ANKHD1: variants seen among roughly 807,000 people sequenced by gnomAD.
ANKHD1 encodes ankyrin repeat and KH domain containing 1.
ANKHD1 carries 31 observed loss-of-function variants against 230.5 expected under a neutral mutation model. The ratio of observed to expected loss-of-function variants is 0.13; its 90% confidence interval spans 0.10 to 0.18. The LOEUF is 0.18. Ranked by LOEUF, ANKHD1 falls within the 10% of genes least tolerant of loss-of-function variation. ANKHD1 has a pLI of 1.00. For synonymous variants in ANKHD1, 1,074 were observed against 1,117.6 expected, an observed-to-expected ratio of 0.96 and a Z score of 0.78; for missense variants, 2,256 against 3,071.3, an observed-to-expected ratio of 0.73 and a Z score of 6.27.
chr5:140,424,509 T>G (rs1772249542), intron 1 of ANKHD1, among the ~76,000 whole-genome samples: 2 of 152,144 alleles, frequency 1.3e-5, no homozygotes, highest in African/African-American at 4.8e-5. Context: ...CTACAGCAAT[T>G]TGGTATGGCT....
rs142103880 is a variant in ANKHD1 at position 140,511,549 on chromosome 5, A to G, written c.4105-1279A>G. Reference sequence around the variant, plus strand: ...TTGAGTTTTGATTTTCCTTACCCCAATTTGTAATTATATCTTCAAACATGT... The same window carrying G: ...TTGAGTTTTGATTTTCCTTACCCCAGTTTGTAATTATATCTTCAAACATGT... On this transcript the variant is annotated intron_variant, in intron 22 of 33. Transcript: ENST00000360839. Among the ~76,000 whole-genome samples the G allele has an allele frequency of 2.2e-3, 339 of 152,226 alleles. 2 individuals are homozygous for G. Among genetic ancestry groups the G allele is most frequent in the African/African-American group, 7.6e-3 (317 of 41,498 alleles).
chr5:140,531,800 A>G (rs1251981654), intron 29 of ANKHD1, among the ~76,000 whole-genome samples: 1 of 152,242 alleles, frequency 6.6e-6, no homozygotes, highest in African/African-American at 2.4e-5. Flanking sequence ...CAATGTTCAT[A>G]GCAACATTAT....
At position 140,528,796 on chromosome 5, in the gene ANKHD1, T is replaced by C; in HGVS notation, c.5850T>C (p.Thr1950=). The change falls in exon 29 of 34, where the codon ACT becomes ACC. Residue 1950 remains threonine, a synonymous_variant. Coordinates refer to ENST00000360839, the MANE Select transcript of ANKHD1 (RefSeq NM_017747.3). ...VVAASQQLCV[T]NTRTPSSVRK... Reference sequence around the variant, plus strand: ...CTGCCAGTCAGCAACTGTGTGTCACTAATACCCGGACTCCTTCATCAGTCA... The same window carrying C: ...CTGCCAGTCAGCAACTGTGTGTCACCAATACCCGGACTCCTTCATCAGTCA... The C allele has an allele frequency of 2.5e-6, 4 of 1,614,148 alleles. No individual in the cohort carries two copies. The highest frequency in any genetic ancestry group is 3.4e-6 in the Non-Finnish European group (4 of 1,180,042).
intron 1 of ANKHD1, among the ~76,000 whole-genome samples, chr5:140,435,253 T>G (rs1014430549): frequency 6.6e-6 from 1 of 152,194 alleles, no homozygotes; most frequent in African/African-American, 2.4e-5. Flanking sequence ...ACTTTTCTCT[T>G]AATGACCTAT....
At chr5:140,428,112 T>C (rs1772689923) in intron 1 of ANKHD1, among the ~76,000 whole-genome samples, 3 of 144,456 alleles carry the variant, frequency 2.1e-5, no homozygotes, top group Non-Finnish European at 4.5e-5. Flanking sequence ...ACTTCCTAGA[T>C]GGGATGGCGG....
chr5:140,438,688 T>C, intron 3 of ANKHD1, 71 bp downstream of exon 3: 1 of 1,463,144 alleles, frequency 6.8e-7, no homozygotes, highest in South Asian at 1.5e-5. Flanking sequence ...CCAATTTTGG[T>C]TAAATATATC....
intron 14 of ANKHD1, among the ~76,000 whole-genome samples, chr5:140,495,456 A>G (rs1336508553): frequency 6.6e-6 from 1 of 152,046 alleles, no homozygotes; most frequent in Non-Finnish European, 1.5e-5. Context: ...CGTGTTAGCC[A>G]GGATGGTCTC....
intron 1 of ANKHD1, among the ~76,000 whole-genome samples, chr5:140,402,962 TTC>T (rs1770095093): frequency 1.4e-5 from 2 of 142,122 alleles, no homozygotes; most frequent in African/African-American, 5.2e-5. Flanking sequence ...TGGAAACCTC[TTC>T]TTTTTTTTTT....
At chr5:140,511,834 T>C (rs1347182163) in intron 22 of ANKHD1, among the ~76,000 whole-genome samples, 2 of 152,256 alleles carry the variant, frequency 1.3e-5, no homozygotes, top group African/African-American at 4.8e-5. Context: ...GTCACTTCCC[T>C]GCCCCAGAGG....
chr5:140,480,090 G>A (rs1005167085), intron 10 of ANKHD1, among the ~76,000 whole-genome samples: 2 of 151,814 alleles, frequency 1.3e-5, no homozygotes, highest in Non-Finnish European at 2.9e-5. Flanking sequence ...GATATTTTGG[G>A]GCAAATATTG....
intron 29 of ANKHD1, among the ~76,000 whole-genome samples, chr5:140,530,834 A>G (rs748622189): frequency 4.6e-5 from 7 of 152,256 alleles, no homozygotes; most frequent in Non-Finnish European, 8.8e-5. Flanking sequence ...ATTCCATGCT[A>G]CTTTGTTGCT....
At chr5:140,523,100 TCTTTTTC>T (rs1753430181) in intron 24 of ANKHD1, among the ~76,000 whole-genome samples, 1 of 150,422 alleles carries the variant, frequency 6.6e-6, no homozygotes, top group African/African-American at 2.4e-5. Context: ...TTAATTTTTT[TCTTTTTC>T]CTTTTTTTTT....
intron 9 of ANKHD1, among the ~76,000 whole-genome samples, chr5:140,464,196 A>G (rs1171736148): frequency 6.7e-6 from 1 of 150,342 alleles, no homozygotes; most frequent in Non-Finnish European, 1.5e-5. Context: ...ATGCCACTGC[A>G]CTCCAGCCTG....
rs1168342448 is a variant in ANKHD1, at chr5:140,496,566, C to A, written c.2292C>A (p.Asp764Glu). The A allele has an allele frequency of 6.2e-7, 1 of 1,608,934 alleles. No individual in the cohort carries two copies. Among genetic ancestry groups the A allele is most frequent in the Non-Finnish European group, 8.5e-7 (1 of 1,178,996 alleles). ...GTTCCCTCCAGGTAGCAGATCAGGA[C>A]CTACTGCCATCTTTTCACCCATACC... ...KSSSLQVADQ[D>E]LLPSFHPYQP... Residue 764 changes from aspartate (D) to glutamate (E), a missense_variant, in exon 15 of 34, where the codon GAC becomes GAA. By Grantham distance (45) the Asp-to-Glu change is conservative (BLOSUM62 2). Around this residue, in one of 13 missense-constraint regions of ANKHD1, gnomAD observed 358 missense variants for 397.7 expected, o/e 0.90. Transcript: ENST00000360839.
chr5:140,463,700 G>T (rs776083463), intron 9 of ANKHD1, among the ~76,000 whole-genome samples: 1 of 152,090 alleles, frequency 6.6e-6, no homozygotes. Context: ...CTGTTGCCCA[G>T]ACTGGAGTGG....
At position 140,538,091 on chromosome 5, in the gene ANKHD1, T is replaced by A. The variant is rs1284757859; in HGVS notation, c.7234T>A (p.Leu2412Ile). Residue 2412 changes from leucine to isoleucine, a missense_variant, in exon 32 of 34, where the codon TTA becomes ATA. Around this residue, in one of 13 missense-constraint regions of ANKHD1, gnomAD observed 778 missense variants for 966.5 expected, o/e 0.80. Transcript: ENST00000360839. ...TTTTCAATTATTCTTTCCAGAAGGC[T>A]TATCAGGTTGGTCGCAATCTGTGAT... ...SFGVNAVSEG[L>I]SGWSQSVMGN... 1 of 1,609,542 alleles carries A rather than the reference T, an allele frequency of 6.2e-7. No individual in the cohort carries two copies.
chr5:140,423,822 G>A (rs565594625), intron 1 of ANKHD1, among the ~76,000 whole-genome samples: 36 of 152,276 alleles, frequency 2.4e-4, no homozygotes, highest in African/African-American at 7.9e-4. Context: ...GTTCAACAGT[G>A]TTAGGAGGTT....
intron 30 of ANKHD1, 136 bp downstream of exon 30, chr5:140,535,674 T>G: frequency 1.7e-6 from 2 of 1,201,668 alleles, no homozygotes; most frequent in Non-Finnish European, 2.1e-6. Flanking sequence ...TGTGGTCATG[T>G]GAAAAAATTG....
chr5:140,477,897 G>A (rs1415997820), intron 10 of ANKHD1, among the ~76,000 whole-genome samples: 2 of 152,008 alleles, frequency 1.3e-5, no homozygotes, highest in African/African-American at 2.4e-5. Context: ...GGCATGAGCC[G>A]CCGCGCCAAG....
Sources: gnomAD v4.1 joint callset for allele counts (sites outside exome capture counted in the v4.1 genomes callset) on GRCh38, gnomAD v4.1.1 for gene constraint, gnomAD v4.1.1 regional missense constraint, MANE v1.5 for transcripts, NCBI Gene and HGNC (gene_info 2026-07-23, HGNC 2026-07-21) for gene names.